The following CYP20A1 variants were observed in gnomAD, a reference collection of about 807,000 sequenced individuals.
CYP20A1 encodes the protein cytochrome P450 20A1.
In CYP20A1, 61 loss-of-function variants were observed where a neutral mutation model predicts 61.4. The ratio of observed to expected loss-of-function variants is 0.99; its 90% confidence interval spans 0.81 to 1.23. The LOEUF (loss-of-function observed/expected upper bound fraction) is 1.23. Ranked by LOEUF, CYP20A1 falls within the 50% of genes most tolerant of loss-of-function variation. The probability of loss-of-function intolerance (pLI) is 0.00; values close to 1 mark genes in which losing one functional copy is unlikely to be tolerated. For synonymous variants in CYP20A1, 193 were observed against 188.2 expected (o/e 1.03, Z -0.21); for missense variants, 530 against 542.4 (o/e 0.98, Z 0.23).
rs1345987555 is a variant in CYP20A1, at chr2:203,305,673, A to T, written c.*8765A>T. The T allele has an allele frequency of 6.6e-6, 1 of 152,170 alleles. No individual in the cohort carries two copies. The highest frequency in any genetic ancestry group is 1.5e-5 in the Non-Finnish European group (1 of 68,034). The allele number at this position is 152,170 out of a possible 1,614,324, so 9.4% of individuals were successfully genotyped here. On this transcript the variant is annotated 3_prime_UTR_variant, in exon 13 of 13. Transcript: ENST00000356079. ...TAAAATACTTATTTTAATTTTAAAC[A>T]CTTGATGGTATGAAATGAAATTTTG...
intron 5 of CYP20A1, 98 bp from the exon 6 acceptor site, chr2:203,272,569 AAAG>A: frequency 3.7e-6 from 2 of 541,172 alleles, no homozygotes; most frequent in Non-Finnish European, 2.9e-6. Context: ...AAAAAAAAAA[AAAG>A]AGTTAAAGAG....
Position 203,301,720 on chromosome 2 carries a change from TATAA to T in CYP20A1, c.*4816_*4819del, listed in dbSNP as rs2069028908. Among the ~76,000 whole-genome samples, 2 of 152,176 alleles carry T rather than the reference TATAA, an allele frequency of 1.3e-5. No homozygotes were observed. The highest frequency in any genetic ancestry group is 2.9e-5 in the Non-Finnish European group (2 of 68,044). Reference sequence around the variant, plus strand: ...CACAAAAGTACAGTTCCATTTTTTATATAAATAGATTCTACCTAACTTATAACCC... The same window carrying T: ...CACAAAAGTACAGTTCCATTTTTTATATAGATTCTACCTAACTTATAACCC... On this transcript the variant is annotated 3_prime_UTR_variant, in exon 13 of 13. Coordinates refer to ENST00000356079, the MANE Select transcript of CYP20A1 (RefSeq NM_177538.3).
chr2:203,249,932 A>G (rs1460080039), intron 3 of CYP20A1, among the ~76,000 whole-genome samples: 5 of 152,208 alleles, frequency 3.3e-5, no homozygotes, highest in Admixed American at 2.6e-4. Context: ...TTTCAGCCTC[A>G]CTAATACTCA....
chr2:203,272,818 C>A, intron 6 of CYP20A1, 70 bp downstream of exon 6: 1 of 878,978 alleles, frequency 1.1e-6, no homozygotes, highest in Admixed American at 2.6e-5. Flanking sequence ...AAAGTAATCT[C>A]TGAATAGTGA....
At chr2:203,255,795 C>T (rs973720981) in intron 4 of CYP20A1, among the ~76,000 whole-genome samples, 1 of 152,144 alleles carries the variant, frequency 6.6e-6, no homozygotes, top group Non-Finnish European at 1.5e-5. Context: ...ACCCTGTTCC[C>T]TCCTATCTCA....
intron 6 of CYP20A1, among the ~76,000 whole-genome samples, chr2:203,273,545 GTCCCAGCTACT>G (rs2067692591): frequency 6.6e-6 from 1 of 152,150 alleles, no homozygotes; most frequent in South Asian, 2.1e-4. Context: ...CATGCCTGTA[GTCCCAGCTACT>G]TGGGAGGCTG....
chr2:203,258,003 G>GCGCAGT, intron 4 of CYP20A1, among the ~76,000 whole-genome samples: 1 of 151,450 alleles, frequency 6.6e-6, no homozygotes, highest in Non-Finnish European at 1.5e-5. Flanking sequence ...CTGGGCTGAA[G>GCGCAGT]GGATCCTCCT....
At chr2:203,289,927 GGTGT>G in intron 10 of CYP20A1, 51 bp downstream of exon 10, 8 of 890,768 alleles carry the variant, frequency 9.0e-6, no homozygotes, top group Admixed American at 4.3e-5. Flanking sequence ...CAACTCTTTT[GGTGT>G]GTGTGTGTGT....
At chr2:203,241,207 T>G (rs909567267) in intron 1 of CYP20A1, among the ~76,000 whole-genome samples, 5 of 152,158 alleles carry the variant, frequency 3.3e-5, no homozygotes, top group Admixed American at 1.3e-4. Flanking sequence ...TGGTGGTGGT[T>G]GTTCTTTAGT....
chr2:203,249,648 C>T (rs555394772), intron 3 of CYP20A1, among the ~76,000 whole-genome samples: 1 of 152,034 alleles, frequency 6.6e-6, no homozygotes, highest in East Asian at 1.9e-4. Flanking sequence ...AGTTCGAGAC[C>T]AGCCTGGCCA....
At chr2:203,256,015 G>A (rs1337495936) in intron 4 of CYP20A1, among the ~76,000 whole-genome samples, 1 of 152,100 alleles carries the variant, frequency 6.6e-6, no homozygotes, top group Non-Finnish European at 1.5e-5. Context: ...CTAGGCTGTA[G>A]TGCAATGACC....
chr2:203,272,735 A>C lies in CYP20A1; in HGVS notation c.666A>C (p.Lys222Asn), dbSNP rs1007424384. 6.2e-7 allele frequency: 1 copy of C among 1,600,814 alleles called. No homozygotes were observed. Among genetic ancestry groups the C allele is most frequent in the African/African-American group, 1.3e-5 (1 of 74,268 alleles). ...GSLDKNMTRKKQYEDALMQLE... is the reference protein window; with the variant it reads ...GSLDKNMTRKNQYEDALMQLE... ...TTGATAAAAACATGACTCGGAAAAA[A>C]CAATATGAAGATGGTAAGTTTGGTC... is the stretch of plus-strand genomic sequence containing the variant. The change falls in exon 6 of 13, where the codon AAA (lysine) becomes AAC (asparagine). Residue 222 changes from lysine to asparagine, a missense_variant. Coordinates refer to ENST00000356079, the MANE Select transcript of CYP20A1 (RefSeq NM_177538.3).
intron 8 of CYP20A1, among the ~76,000 whole-genome samples, chr2:203,281,312 G>A (rs940390045): frequency 2.6e-5 from 4 of 152,136 alleles, no homozygotes; most frequent in Non-Finnish European, 5.9e-5. Context: ...TTTGGGACCA[G>A]CCTGGGCAAC....
intron 8 of CYP20A1, 112 bp from the exon 9 acceptor site, chr2:203,285,500 A>AG (rs1306341751): frequency 1.6e-6 from 2 of 1,227,176 alleles, no homozygotes; most frequent in Non-Finnish European, 1.1e-6. Flanking sequence ...ATATCATGGG[A>AG]GAAAAAAAGC....
Position 203,251,811 on chromosome 2 carries a change from AT to A in CYP20A1, c.290-155del, listed in dbSNP as rs2066689987. ...TATATGTGTATATATATATATATAT[AT>A]ATATAAAAAATAAAAAATAAAAACA... On this transcript the variant is annotated intron_variant, in intron 3 of 12. Coordinates refer to ENST00000356079, the MANE Select transcript of CYP20A1 (RefSeq NM_177538.3). Among the ~76,000 whole-genome samples, 3 of 109,036 alleles carry A rather than the reference AT, an allele frequency of 2.8e-5. 1 individual carries two copies. The highest frequency in any genetic ancestry group is 8.4e-5 in the African/African-American group (3 of 35,638). The allele number at this position is 109,036 out of a possible 152,430, so 71.5% of individuals were successfully genotyped here. A position where few individuals can be genotyped will look rare whatever the true frequency, so the allele number is the denominator to read the frequency against.
intron 6 of CYP20A1, among the ~76,000 whole-genome samples, chr2:203,274,094 C>T (rs992726691): frequency 1.1e-4 from 17 of 151,866 alleles, no homozygotes; most frequent in Non-Finnish European, 4.4e-5. Context: ...ATGTAGTACC[C>T]CCAAATTAAT....
At position 203,301,573 on chromosome 2, in the gene CYP20A1, TA is replaced by T. The variant is rs928496535; in HGVS notation, c.*4669del. On this transcript the variant is annotated 3_prime_UTR_variant, in exon 13 of 13. Coordinates refer to ENST00000356079, the MANE Select transcript of CYP20A1 (RefSeq NM_177538.3). ...GGTGTGAGCCACGGCACCTGGTCCATAAAACATTTTTTTATGAACTAAAGAG... is the reference window on the plus strand; with the variant it reads ...GGTGTGAGCCACGGCACCTGGTCCATAAACATTTTTTTATGAACTAAAGAG... Among the ~76,000 whole-genome samples the T allele has an allele frequency of 4.6e-5, 7 of 152,084 alleles. No individual in the cohort carries two copies. Among genetic ancestry groups the T allele is most frequent in the African/African-American group, 1.7e-4 (7 of 41,418 alleles).
chr2:203,288,322 TC>T (rs1276031024), intron 9 of CYP20A1, among the ~76,000 whole-genome samples: 13 of 152,156 alleles, frequency 8.5e-5, no homozygotes, highest in Non-Finnish European at 1.8e-4. Context: ...CGCCTCTGGC[TC>T]CCAAAATGCT....
intron 4 of CYP20A1, among the ~76,000 whole-genome samples, chr2:203,263,471 G>A (rs2067215504): frequency 6.6e-6 from 1 of 151,660 alleles, no homozygotes; most frequent in Non-Finnish European, 1.5e-5. Context: ...TGTATTTTCA[G>A]TAGAGAATGG....
Sources: allele counts gnomAD v4.1 joint callset (sites outside exome capture counted in the v4.1 genomes callset), GRCh38; gene constraint gnomAD v4.1.1; transcripts MANE v1.5; gene names NCBI Gene and HGNC (gene_info 2026-07-23, HGNC 2026-07-21).